KMT2D: variants seen among roughly 807,000 people sequenced by gnomAD.
The protein encoded by KMT2D is lysine methyltransferase 2D, also known as histone-lysine N-methyltransferase 2D.
Under a neutral mutation model 512.7 loss-of-function variants are expected in KMT2D, and 55 were observed. The observed-to-expected ratio is 0.11, with a 90% CI of 0.09 to 0.13. KMT2D has a LOEUF of 0.13. Among genes scored for constraint, KMT2D ranks in the 10% least tolerant of loss-of-function variants. The probability of loss-of-function intolerance (pLI) is 1.00; values close to 1 mark genes in which losing one functional copy is unlikely to be tolerated. For synonymous variants in KMT2D, 2,995 were observed against 2,904.0 expected (o/e 1.03, Z -1.01); for missense variants, 6,061 against 7,127.9 (o/e 0.85, Z 5.39).
chr12:49,048,571 C>A, intron 14 of KMT2D, 88 bp downstream of exon 14: 1 of 821,694 alleles, frequency 1.2e-6, no homozygotes, highest in Non-Finnish European at 2.0e-6. Context: ...GCTGGGTATC[C>A]CCAAAGTAGG....
chr12:49,033,437 T>C lies in KMT2D; in HGVS notation c.11268A>G (p.Gln3756=). The change falls in exon 40 of 55, where the codon CAA becomes CAG. Residue 3756 remains glutamine (Q), a synonymous_variant. Transcript: ENST00000301067. ...HLLGQVAIQQ[Q]QQQGPGVQTN... is the part of the protein sequence containing the mutation. ...TCTGTACTCCAGGACCCTGCTGCTGTTGCTGCTGGATTGCCACCTGTCCTA... is the reference window on the plus strand; with the variant it reads ...TCTGTACTCCAGGACCCTGCTGCTGCTGCTGCTGGATTGCCACCTGTCCTA... 6.3e-7 allele frequency: 1 copy of C among 1,590,182 alleles called. No individual in the cohort carries two copies. Among genetic ancestry groups the C allele is most frequent in the Non-Finnish European group, 8.6e-7 (1 of 1,168,334 alleles).
Position 49,019,208 on chromosome 12 carries a change from C to T in KMT2D, c.*2572G>A. ...GACCAACCTTGCTGTACAGGATACA[C>T]ACAACACAAAATAAAGTCTTCACGG... On this transcript the variant is annotated 3_prime_UTR_variant, in exon 55 of 55. Transcript: ENST00000301067. 9.8e-7 allele frequency: 1 copy of T among 1,017,518 alleles called. No homozygotes were observed. The highest frequency in any genetic ancestry group is 1.2e-6 in the Non-Finnish European group (1 of 830,454). 63.0% of individuals were successfully genotyped at this position (1,017,518 alleles called of 1,614,324 possible).
At position 49,031,794 on chromosome 12, in the gene KMT2D, G is replaced by A. The variant is rs760819349; in HGVS notation, c.12911C>T (p.Pro4304Leu). The A allele has an allele frequency of 1.4e-5, 23 of 1,605,356 alleles. No homozygotes were observed. In the Admixed American group the frequency reaches 2.0e-4, roughly 14 times the overall value. ...GALSTGPVLGPVHPTPPPSSP... is the reference protein window; with the variant it reads ...GALSTGPVLGLVHPTPPPSSP... ...GGATGGTGGAGGTGTGGGATGGACA[G>A]GGCCAAGGACTGGTCCTGTAGATAA... The change falls in exon 40 of 55, where the codon CCT becomes CTT. Residue 4304 changes from proline (P) to leucine (L), a missense_variant. Transcript: ENST00000301067.
At position 49,043,795 on chromosome 12, in the gene KMT2D, C is replaced by G. The variant is rs2120573390; in HGVS notation, c.5320-13G>C. 6.2e-7 allele frequency: 1 copy of G among 1,612,658 alleles called. No homozygotes were observed. The highest frequency in any genetic ancestry group is 8.5e-7 in the Non-Finnish European group (1 of 1,178,934). ...CAAAGAAGGCTTCCTGTGGGGCAGT[C>G]AAGGAGAAACAGTTTTCTTCATGCC... On this transcript the variant is annotated splice_polypyrimidine_tract_variant and intron_variant, in intron 23 of 54. Transcript: ENST00000301067.
chr12:49,050,977 C>G lies in KMT2D; in HGVS notation c.2706G>C (p.Glu902Asp), dbSNP rs2120661066. 6.4e-7 allele frequency: 1 copy of G among 1,564,436 alleles called. No homozygotes were observed. The highest frequency in any genetic ancestry group is 8.6e-7 in the Non-Finnish European group (1 of 1,156,778). Residue 902 changes from glutamate (E) to aspartate (D), a missense_variant, in exon 11 of 55, where the codon GAG becomes GAC. Coordinates refer to ENST00000301067, the MANE Select transcript of KMT2D (RefSeq NM_003482.4). ...SPLLGEPALS[E>D]PGEPPLSPLP... ...GAGGGGACAGAGGTGGTTCCCCAGG[C>G]TCAGACAGGGCTGGCTCTCCAAGCA...
At chr12:49,027,778 A>G in intron 48 of KMT2D, 25 bp downstream of exon 48, 1 of 1,552,340 alleles carries the variant, frequency 6.4e-7, no homozygotes, top group Non-Finnish European at 8.7e-7. Context: ...TCTAACACCC[A>G]CCCCTTTTTC....
At position 49,039,056 on chromosome 12, in the gene KMT2D, G is replaced by T; in HGVS notation, c.8367-67C>A. On this transcript the variant is annotated intron_variant, in intron 34 of 54. Transcript: ENST00000301067. The surrounding 1 kb of genome is among the most constrained non-coding windows in gnomAD (Gnocchi z 5.0). ...AAAGGAGCAAGAACATGGGCTTAGG[G>T]CAGTGAGGAAGGATAGAATTAATGC... 2 of 1,521,962 alleles carry T rather than the reference G, an allele frequency of 1.3e-6. No homozygotes were observed. Among genetic ancestry groups the T allele is most frequent in the Non-Finnish European group, 1.8e-6 (2 of 1,113,758 alleles). 94.3% of individuals were successfully genotyped at this position (1,521,962 alleles called of 1,614,324 possible).
chr12:49,030,489 G>T, intron 42 of KMT2D, 50 bp from the exon 43 acceptor site: 1 of 1,381,554 alleles, frequency 7.2e-7, no homozygotes, highest in South Asian at 1.3e-5. Context: ...TAGGGAGACT[G>T]ATATAATCTC....
chr12:49,030,394 TG>T lies in KMT2D; in HGVS notation c.13884del (p.Thr4629ProfsTer11), dbSNP rs886040960. ...NPPTPPSSLPPTPPPSVQQKM... is the reference protein window; with the variant it reads ...NPPTPPSSLPXTPPPSVQQKM... ...TTCTGCTGCACCGATGGGGGTGGGG[TG>T]GGGGGCAGCGACGAGGGTGGTGTCG... On this transcript the variant is annotated frameshift_variant, in exon 43 of 55. Coordinates refer to ENST00000301067, the MANE Select transcript of KMT2D (RefSeq NM_003482.4). LOFTEE classifies it high-confidence loss of function. The T allele has an allele frequency of 1.8e-5, 16 of 866,284 alleles. No individual in the cohort carries two copies. The highest frequency in any genetic ancestry group is 2.6e-5 in the Non-Finnish European group (15 of 578,304). 53.7% of individuals were successfully genotyped at this position (866,284 alleles called of 1,614,324 possible).
In KMT2D at chr12:49,042,852, G is replaced by A. The variant is rs1256033287; in HGVS notation, c.5671C>T (p.Leu1891=). 6.2e-7 allele frequency: 1 copy of A among 1,613,946 alleles called. No individual in the cohort carries two copies. The highest frequency in any genetic ancestry group is 8.5e-7 in the Non-Finnish European group (1 of 1,179,864). ...EELPKMESKD[L]QQLFKDVLGS... Reference sequence around the variant, plus strand: ...AGAACATCCTTGAAGAGCTGCTGCAGGTCCTTGGATTCCATCTTGGGCAGT... The same window carrying A: ...AGAACATCCTTGAAGAGCTGCTGCAAGTCCTTGGATTCCATCTTGGGCAGT... Residue 1891 remains leucine, a synonymous_variant, in exon 27 of 55, where the codon CTG becomes TTG. Transcript: ENST00000301067. The surrounding 1 kb of genome is among the most constrained non-coding windows in gnomAD (Gnocchi z 4.4).
In KMT2D at chr12:49,037,894, T is replaced by C. The variant is rs2120487203; in HGVS notation, c.9462A>G (p.Leu3154=). 6.2e-7 allele frequency: 1 copy of C among 1,601,404 alleles called. No homozygotes were observed. Among genetic ancestry groups the C allele is most frequent in the Middle Eastern group, 1.7e-4 (1 of 6,052 alleles). ...TGCCCATCATGCTCTGTCCTGGCTT[T>C]AGCCCCAGGCCAAGGGAATTGGCAG... ...APAANSLGLG[L]KPGQSMMGSR... is the part of the protein sequence containing the mutation. Residue 3154 remains leucine, a synonymous_variant, in exon 35 of 55, where the codon CTA becomes CTG. Coordinates refer to ENST00000301067, the MANE Select transcript of KMT2D (RefSeq NM_003482.4).
chr12:49,055,232 T>C, intron 2 of KMT2D, 44 bp downstream of exon 2: 1 of 1,606,878 alleles, frequency 6.2e-7, no homozygotes, highest in Non-Finnish European at 8.5e-7. Flanking sequence ...AATGTAAGGT[T>C]GCCAATGAAA....
In KMT2D at chr12:49,027,761, C is replaced by G. The variant is rs182337150; in HGVS notation, c.14643+42G>C. On this transcript the variant is annotated intron_variant, in intron 48 of 54. Transcript: ENST00000301067. Reference sequence around the variant, plus strand: ...GAGCCACCGCGCCTGGCCGGCAGCCCCTTTTTTCTAACACCCACCCCTTTT... The same window carrying G: ...GAGCCACCGCGCCTGGCCGGCAGCCGCTTTTTTCTAACACCCACCCCTTTT... 4 of 1,552,018 alleles carry G rather than the reference C, an allele frequency of 2.6e-6. No individual in the cohort carries two copies. The East Asian group carries it at 9.8e-5, about 38-fold the overall frequency.
At chr12:49,055,895 A>G (rs578172034) in intron 1 of KMT2D, among the ~76,000 whole-genome samples, 1 of 152,286 alleles carries the variant, frequency 6.6e-6, no homozygotes, top group Non-Finnish European at 1.5e-5. Context: ...CAGCCTAGCT[A>G]TGGATGGATC....
At position 49,043,971 on chromosome 12, in the gene KMT2D, C is replaced by T. The variant is rs920130679; in HGVS notation, c.5216G>A (p.Gly1739Asp). 1.2e-6 allele frequency: 2 copies of T among 1,614,038 alleles called. No individual in the cohort carries two copies. The highest frequency in any genetic ancestry group is 3.3e-4 in the Middle Eastern group (2 of 6,062). The change falls in exon 23 of 55, where the codon GGC becomes GAC. Residue 1739 changes from glycine (G) to aspartate (D), a missense_variant. This residue lies in a region of KMT2D where 640 missense variants were observed against 814.3 expected (regional missense o/e 0.79). Transcript: ENST00000301067. Reference sequence around the variant, plus strand: ...TTCAGCTAAGCTCTGCTCCACGGCGCCCTCTGCAGGCAGGTCAGCAGGTAT... The same window carrying T: ...TTCAGCTAAGCTCTGCTCCACGGCGTCCTCTGCAGGCAGGTCAGCAGGTAT... ...EVIPADLPAE[G>D]AVEQSLAEGD...
Position 49,021,720 on chromosome 12 carries a change from C to T in KMT2D, c.*60G>A. 7.3e-7 allele frequency: 1 copy of T among 1,373,894 alleles called. No homozygotes were observed. The highest frequency in any genetic ancestry group is 1.0e-6 in the Non-Finnish European group (1 of 966,272). 85.1% of individuals were successfully genotyped at this position (1,373,894 alleles called of 1,614,324 possible). Reference sequence around the variant, plus strand: ...GGCTGCTACCTCTCTTCCCCCTCATCCCTTTCAGGGAAGAGGTTGTGGGTA... The same window carrying T: ...GGCTGCTACCTCTCTTCCCCCTCATTCCTTTCAGGGAAGAGGTTGTGGGTA... On this transcript the variant is annotated 3_prime_UTR_variant, in exon 55 of 55. Transcript: ENST00000301067.
chr12:49,052,951 C>G lies in KMT2D; in HGVS notation c.1076G>C (p.Arg359Pro), dbSNP rs779668384. ...CGGGGTATGCTGCTCAGCAACGGAG[C>G]GGATAGTCTGACCTCCCTGGGCTTT... ...CHKAQGGQTI[R>P]SVAEQHTPVC... The change falls in exon 9 of 55, where the codon CGC (arginine) becomes CCC (proline). Residue 359 changes from arginine to proline, a missense_variant. Physicochemically the swap from Arg to Pro is moderately radical, Grantham distance 103. This residue lies in a region of KMT2D where 848 missense variants were observed against 838.5 expected (regional missense o/e 1.01). Coordinates refer to ENST00000301067, the MANE Select transcript of KMT2D (RefSeq NM_003482.4). 2.5e-6 allele frequency: 4 copies of G among 1,613,838 alleles called. No individual in the cohort carries two copies. The highest frequency in any genetic ancestry group is 2.5e-6 in the Non-Finnish European group (3 of 1,179,860).
rs886042284 is a variant in KMT2D, at chr12:49,051,716, AG to A, written c.1966del (p.Leu656CysfsTer274). On this transcript the variant is annotated frameshift_variant, in exon 11 of 55. Coordinates refer to ENST00000301067, the MANE Select transcript of KMT2D (RefSeq NM_003482.4). LOFTEE classifies it high-confidence loss of function. The stretch of plus-strand genomic sequence containing the variant: ...TGGAGACAGGCGTGACACCACAGGC[AG>A]GGGGGATAGGCGCGATACCTCAGGT... ...PPPEVSRLSP[L>X]PVVSRLSPPP... 3.4e-6 allele frequency: 4 copies of A among 1,191,732 alleles called. No homozygotes were observed. The highest frequency in any genetic ancestry group is 4.4e-6 in the Non-Finnish European group (4 of 917,048). 73.8% of individuals were successfully genotyped at this position (1,191,732 alleles called of 1,614,324 possible).
At chr12:49,048,236 C>A (rs141410477) in intron 14 of KMT2D, among the ~76,000 whole-genome samples, 167 bp from the exon 15 acceptor site, 1 of 152,218 alleles carries the variant, frequency 6.6e-6, no homozygotes, top group Non-Finnish European at 1.5e-5. Context: ...TCCTAGGATG[C>A]CTTACTCACC....
Sources: gnomAD v4.1 joint callset for allele counts (sites outside exome capture counted in the v4.1 genomes callset) on GRCh38, gnomAD v4.1.1 for gene constraint, gnomAD v4.1.1 regional missense constraint, Gnocchi (gnomAD v3.1) non-coding constraint, MANE v1.5 for transcripts, NCBI Gene and HGNC (gene_info 2026-07-23, HGNC 2026-07-21) for gene names.